Variants in GRM7 observed in about 807,000 individuals in gnomAD.
GRM7 encodes metabotropic glutamate receptor 7.
A neutral mutation model predicts 84.5 loss-of-function variants in GRM7; 35 were observed. The observed-to-expected ratio is 0.41, with a 90% CI of 0.32 to 0.55. GRM7 has a LOEUF of 0.55. Among genes scored for constraint, GRM7 ranks in the 20% least tolerant of loss-of-function variants. The pLI is 0.19. For synonymous variants in GRM7, 487 were observed against 455.1 expected (o/e 1.07, Z -0.89); for missense variants, 1,003 against 1,194.6 (o/e 0.84, Z 2.36).
At position 7,513,598 on chromosome 3, in the gene GRM7, A is replaced by T. The variant is rs928118927; in HGVS notation, c.1515+51876A>T. On this transcript the variant is annotated intron_variant, in intron 7 of 9. Coordinates refer to ENST00000357716, the MANE Select transcript of GRM7 (RefSeq NM_000844.4). ...TTCATTGTATGTTTCAAAATAAAAG[A>T]GTGGACTTGTGATATTCTTAATGCA... is the stretch of plus-strand genomic sequence containing the variant. Among the ~76,000 whole-genome samples the T allele has an allele frequency of 3.3e-5, 5 of 152,090 alleles. 1 individual carries two copies. Among genetic ancestry groups the T allele is most frequent in the Admixed American group, 3.3e-4 (5 of 15,286 alleles).
chr3:7,403,716 T>C (rs1695553718), intron 4 of GRM7, among the ~76,000 whole-genome samples: 1 of 117,808 alleles, frequency 8.5e-6, no homozygotes, highest in Non-Finnish European at 1.8e-5. Context: ...CACAAAAGAA[T>C]GTATAGATGA....
chr3:7,327,545 G>T (rs551769687), intron 4 of GRM7, among the ~76,000 whole-genome samples: 11 of 152,042 alleles, frequency 7.2e-5, no homozygotes, highest in Admixed American at 5.2e-4. Context: ...TTAACATTTT[G>T]ACCTTTATAG....
At chr3:6,912,518 A>G (rs946353165) in intron 1 of GRM7, among the ~76,000 whole-genome samples, 2 of 152,202 alleles carry the variant, frequency 1.3e-5, no homozygotes, top group African/African-American at 4.8e-5. Context: ...TATCCGTGCT[A>G]TCCTCTCATT....
At chr3:7,013,093 A>G (rs1262033377) in intron 1 of GRM7, among the ~76,000 whole-genome samples, 1 of 151,390 alleles carries the variant, frequency 6.6e-6, no homozygotes, top group Non-Finnish European at 1.5e-5. Context: ...TTGCCCTACC[A>G]TATTTCTGGA....
chr3:7,256,933 C>T (rs1157085661), intron 2 of GRM7, among the ~76,000 whole-genome samples: 2 of 152,126 alleles, frequency 1.3e-5, no homozygotes, highest in Non-Finnish European at 2.9e-5. Context: ...GTAGCCAGGT[C>T]TCGAAAGATT....
intron 2 of GRM7, among the ~76,000 whole-genome samples, chr3:7,222,763 A>G (rs116664148): frequency 0.013 from 2,025 of 152,324 alleles, 23 homozygotes; most frequent in Admixed American, 0.026. Context: ...TCCCTTATAC[A>G]CAATCCTAGA....
At chr3:7,384,731 T>C (rs894417149) in intron 4 of GRM7, among the ~76,000 whole-genome samples, 6 of 152,186 alleles carry the variant, frequency 3.9e-5, no homozygotes, top group African/African-American at 1.4e-4. Flanking sequence ...GGCTGGTGGC[T>C]ATCAAGTCGA....
At chr3:7,391,730 A>T (rs1695004274) in intron 4 of GRM7, among the ~76,000 whole-genome samples, 1 of 151,492 alleles carries the variant, frequency 6.6e-6, no homozygotes, top group Non-Finnish European at 1.5e-5. Flanking sequence ...ATAAAAAAGA[A>T]ATGAGCTAAG....
At chr3:7,622,865 G>T (rs531277285) in intron 8 of GRM7, among the ~76,000 whole-genome samples, 2 of 152,230 alleles carry the variant, frequency 1.3e-5, no homozygotes, top group East Asian at 1.9e-4. Context: ...GACCCTGATG[G>T]TATGTCATGG....
In GRM7 at chr3:7,083,627, G is replaced by A. The variant is rs143790178; in HGVS notation, c.520-62825G>A. Among the ~76,000 whole-genome samples, 10 of 152,270 alleles carry A rather than the reference G, an allele frequency of 6.6e-5. No homozygotes were observed. The East Asian group carries it at 1.7e-3, about 26-fold the overall frequency. On this transcript the variant is annotated intron_variant, in intron 1 of 9. Coordinates refer to ENST00000357716, the MANE Select transcript of GRM7 (RefSeq NM_000844.4). Reference sequence around the variant, plus strand: ...TATGTTTTCACTGATTCATCCAATAGTGTATAAACAGCTACTTTGTGTGAG... The same window carrying A: ...TATGTTTTCACTGATTCATCCAATAATGTATAAACAGCTACTTTGTGTGAG...
rs551068102 is a variant in GRM7, at chr3:7,111,459, T to C, written c.520-34993T>C. Reference sequence around the variant, plus strand: ...TTTAGGAAGTAAAATCAGTAAGTCTTAGTATTTGATTCAAATTATAAAGAG... The same window carrying C: ...TTTAGGAAGTAAAATCAGTAAGTCTCAGTATTTGATTCAAATTATAAAGAG... On this transcript the variant is annotated intron_variant, in intron 1 of 9. Coordinates refer to ENST00000357716, the MANE Select transcript of GRM7 (RefSeq NM_000844.4). 7.2e-5 allele frequency among the ~76,000 whole-genome samples: 11 copies of C among 152,190 alleles called. No homozygotes were observed. The East Asian group carries it at 2.1e-3, about 29-fold the overall frequency.
intron 5 of GRM7, among the ~76,000 whole-genome samples, chr3:7,429,047 G>A (rs546487729): frequency 1.8e-4 from 28 of 152,222 alleles, no homozygotes; most frequent in African/African-American, 6.7e-4. Context: ...GAGTAGTAAA[G>A]AACAAAGACT....
At chr3:7,179,977 A>C (rs1559487904) in intron 2 of GRM7, among the ~76,000 whole-genome samples, 2 of 152,216 alleles carry the variant, frequency 1.3e-5, no homozygotes. Flanking sequence ...GTCCAGAGTT[A>C]GAAACGCTTT....
At chr3:6,940,211 C>A (rs1697839512) in intron 1 of GRM7, among the ~76,000 whole-genome samples, 1 of 152,084 alleles carries the variant, frequency 6.6e-6, no homozygotes, top group Non-Finnish European at 1.5e-5. Flanking sequence ...CCTGCCTCAA[C>A]CTCCCAAGTA....
chr3:7,126,961 A>C (rs892168720), intron 1 of GRM7, among the ~76,000 whole-genome samples: 7 of 152,240 alleles, frequency 4.6e-5, no homozygotes, highest in Non-Finnish European at 8.8e-5. Context: ...AAGTTGAGTA[A>C]ATTTCAATTA....
intron 4 of GRM7, among the ~76,000 whole-genome samples, chr3:7,361,010 C>G (rs115648061): frequency 8.6e-4 from 131 of 152,108 alleles, no homozygotes; most frequent in Middle Eastern, 3.4e-3. Flanking sequence ...GAACTGATGC[C>G]TAATTCCAAA....
intron 1 of GRM7, among the ~76,000 whole-genome samples, chr3:7,134,080 G>A (rs950534269): frequency 3.3e-5 from 5 of 152,092 alleles, no homozygotes; most frequent in Non-Finnish European, 7.3e-5. Flanking sequence ...AGACAAAATA[G>A]CAATGTATAT....
At chr3:7,632,378 C>G (rs923589576) in intron 8 of GRM7, among the ~76,000 whole-genome samples, 7 of 151,982 alleles carry the variant, frequency 4.6e-5, no homozygotes, top group Admixed American at 2.6e-4. Context: ...TACTAAGAAC[C>G]CTTAGGGGAA....
At chr3:7,722,198 T>C (rs1030233759) in intron 9 of GRM7, among the ~76,000 whole-genome samples, 2 of 152,212 alleles carry the variant, frequency 1.3e-5, no homozygotes, top group African/African-American at 4.8e-5. Context: ...CAGTGTTATA[T>C]GTGTGTGCAG....
Sources: allele counts gnomAD v4.1 joint callset (sites outside exome capture counted in the v4.1 genomes callset), GRCh38; gene constraint gnomAD v4.1.1; transcripts MANE v1.5; gene names NCBI Gene and HGNC (gene_info 2026-07-23, HGNC 2026-07-21).